DHRS7B: variants seen among roughly 807,000 people sequenced by gnomAD.
DHRS7B encodes dehydrogenase/reductase 7B.
DHRS7B carries 24 observed loss-of-function variants against 26.4 expected under a neutral mutation model. The ratio of observed to expected loss-of-function variants is 0.91; its 90% confidence interval spans 0.66 to 1.28. The LOEUF is 1.28. DHRS7B is among the 50% of genes most tolerant of loss of function. DHRS7B has a pLI of 0.00. For synonymous variants in DHRS7B, 142 were observed against 166.4 expected (o/e 0.85, Z 1.13); for missense variants, 368 against 419.4 (o/e 0.88, Z 1.07).
At chr17:21,129,572 G>A (rs1207746336) in intron 1 of DHRS7B, among the ~76,000 whole-genome samples, 2 of 151,828 alleles carry the variant, frequency 1.3e-5, no homozygotes, top group Non-Finnish European at 2.9e-5. Context: ...AGGCGTGCTG[G>A]TGTGTACCTG....
chr17:21,184,696 A>G (rs1210618671), intron 5 of DHRS7B, among the ~76,000 whole-genome samples: 1 of 152,100 alleles, frequency 6.6e-6, no homozygotes, highest in Non-Finnish European at 1.5e-5. Flanking sequence ...CCCTGCCCTC[A>G]AGTGTAAATG....
At chr17:21,140,534 A>ACACC (rs1973480777) in intron 1 of DHRS7B, among the ~76,000 whole-genome samples, 2 of 147,776 alleles carry the variant, frequency 1.4e-5, no homozygotes, top group Admixed American at 6.8e-5. Flanking sequence ...ACACACACAC[A>ACACC]CACACCCTGA....
chr17:21,169,902 T>C (rs747210048), intron 1 of DHRS7B, among the ~76,000 whole-genome samples: 4 of 151,992 alleles, frequency 2.6e-5, no homozygotes, highest in Non-Finnish European at 5.9e-5. Flanking sequence ...TCCTGGGCAG[T>C]GGCTGGGCCC....
At chr17:21,171,209 C>T (rs1366739809) in intron 1 of DHRS7B, among the ~76,000 whole-genome samples, 1 of 152,180 alleles carries the variant, frequency 6.6e-6, no homozygotes, top group Admixed American at 6.5e-5. Flanking sequence ...GCTTTGGGCA[C>T]AGGAGGACAG....
intron 1 of DHRS7B, chr17:21,171,625 A>G (rs1974249205): frequency 3.1e-6 from 1 of 320,624 alleles, no homozygotes; most frequent in African/African-American, 2.1e-5. Context: ...TTTCACAAGT[A>G]TTCAGGGATT....
Position 21,188,767 on chromosome 17 carries a change from G to A in DHRS7B, c.676G>A (p.Glu226Lys). Residue 226 changes from glutamate (E) to lysine (K), a missense_variant, in exon 6 of 7, where the codon GAA becomes AAA. Coordinates refer to ENST00000395511, the MANE Select transcript of DHRS7B (RefSeq NM_015510.5). ...CTTTGACTGTCTGCGTGCCGAGATG[G>A]AACAGTATGAAATTGAGGTGACCGT... ...AFFDCLRAEM[E>K]QYEIEVTVIS... The A allele has an allele frequency of 8.1e-6, 13 of 1,613,838 alleles. No individual in the cohort carries two copies. The highest frequency in any genetic ancestry group is 1.1e-5 in the Non-Finnish European group (13 of 1,179,936).
intron 1 of DHRS7B, among the ~76,000 whole-genome samples, chr17:21,154,434 C>T (rs190376505): frequency 6.6e-6 from 1 of 152,184 alleles, no homozygotes; most frequent in African/African-American, 2.4e-5. Context: ...GTACCCTGCA[C>T]AATTATCCTT....
chr17:21,156,363 T>C (rs1395097825), intron 1 of DHRS7B, among the ~76,000 whole-genome samples: 1 of 151,980 alleles, frequency 6.6e-6, no homozygotes, highest in Non-Finnish European at 1.5e-5. Flanking sequence ...CCTAGCACTT[T>C]GGGAGGCAGA....
At chr17:21,168,805 A>G (rs971447815) in intron 1 of DHRS7B, 67 of 985,482 alleles carry the variant, frequency 6.8e-5, no homozygotes, top group Non-Finnish European at 8.0e-5. Flanking sequence ...TGTTTGCCTC[A>G]GGCAAAGTGG....
chr17:21,140,190 A>G (rs1304014698), intron 1 of DHRS7B, among the ~76,000 whole-genome samples: 2 of 151,540 alleles, frequency 1.3e-5, no homozygotes, highest in Non-Finnish European at 2.9e-5. Flanking sequence ...CACCCAGCTA[A>G]TTTTTTGTAT....
Position 21,183,803 on chromosome 17 carries a change from A to G in DHRS7B, c.519A>G (p.Leu173=). 6.2e-7 allele frequency: 1 copy of G among 1,613,844 alleles called. No individual in the cohort carries two copies. Among genetic ancestry groups the G allele is most frequent in the Admixed American group, 1.7e-5 (1 of 60,022 alleles). Residue 173 remains leucine (L), a synonymous_variant, in exon 4 of 7, where the codon CTA becomes CTG. Coordinates refer to ENST00000395511, the MANE Select transcript of DHRS7B (RefSeq NM_015510.5). ...METNYFGPVA[L]TKALLPSMIK... ...CAAACTACTTTGGCCCAGTTGCTCT[A>G]ACGAAAGGTAACAGTCTTGAGAAAA...
intron 5 of DHRS7B, among the ~76,000 whole-genome samples, chr17:21,186,562 A>G (rs1427843311): frequency 6.6e-6 from 1 of 152,218 alleles, no homozygotes; most frequent in Admixed American, 6.5e-5. Flanking sequence ...AAGCTCAGAC[A>G]CTGCTGAACT....
At chr17:21,183,843 G>A (rs771535754) in intron 4 of DHRS7B, 33 bp downstream of exon 4, 2 of 1,573,070 alleles carry the variant, frequency 1.3e-6, no homozygotes, top group East Asian at 4.5e-5. Flanking sequence ...AGTGATAAGT[G>A]ATATGTTGGC....
intron 5 of DHRS7B, 144 bp from the exon 6 acceptor site, chr17:21,188,567 G>A: frequency 1.0e-6 from 1 of 956,980 alleles, no homozygotes; most frequent in Non-Finnish European, 1.5e-6. Flanking sequence ...AGGAGCTGGA[G>A]TCCAGCCTAA....
intron 3 of DHRS7B, among the ~76,000 whole-genome samples, chr17:21,180,744 C>T (rs190073934): frequency 5.6e-4 from 86 of 152,214 alleles, no homozygotes; most frequent in Non-Finnish European, 9.1e-4. Flanking sequence ...TAGCTTTGTA[C>T]AAGTTTTGAA....
chr17:21,141,895 T>C (rs1368353739), intron 1 of DHRS7B, among the ~76,000 whole-genome samples: 7 of 152,078 alleles, frequency 4.6e-5, no homozygotes, highest in East Asian at 1.9e-4. Context: ...CAAGCACCAA[T>C]AGGAAATTTG....
At chr17:21,138,006 ACATATTTCTGGGATTACAGGCCTCC>A in intron 1 of DHRS7B, among the ~76,000 whole-genome samples, 1 of 148,752 alleles carries the variant, frequency 6.7e-6, no homozygotes. Flanking sequence ...TTCTGGGATT[ACATATTTCTGGGATTACAGGCCTCC>A]CATAGTTCTG....
chr17:21,127,037 C>G (rs1232692526), intron 1 of DHRS7B, 46 bp downstream of exon 1: 4 of 1,495,832 alleles, frequency 2.7e-6, no homozygotes, highest in South Asian at 1.3e-5. Context: ...GCGATAGGGT[C>G]TGGCCTTGAG....
chr17:21,161,287 A>T (rs184627381), intron 1 of DHRS7B, among the ~76,000 whole-genome samples: 1 of 152,326 alleles, frequency 6.6e-6, no homozygotes, highest in East Asian at 1.9e-4. Flanking sequence ...GGGAGGCTGT[A>T]CTTGTGTGGA....
Sources: gnomAD v4.1 joint callset for allele counts (sites outside exome capture counted in the v4.1 genomes callset) on GRCh38, gnomAD v4.1.1 for gene constraint, MANE v1.5 for transcripts, NCBI Gene and HGNC (gene_info 2026-07-23, HGNC 2026-07-21) for gene names.